ZMIZ1: variants seen among roughly 807,000 people sequenced by gnomAD.
The protein encoded by ZMIZ1 is zinc finger MIZ domain-containing protein 1.
A neutral mutation model predicts 113.9 loss-of-function variants in ZMIZ1; 17 were observed. That is an observed-to-expected ratio of 0.15 (90% CI 0.10 to 0.22). The LOEUF (loss-of-function observed/expected upper bound fraction) is 0.22, where lower values mean the gene tolerates loss of function less well. Among genes scored for constraint, ZMIZ1 ranks in the 10% least tolerant of loss-of-function variants. The pLI, the probability that ZMIZ1 is intolerant of heterozygous loss-of-function variation, is 1.00. For missense variants in ZMIZ1, 1,059 were observed against 1,477.8 expected (o/e 0.72, Z 4.65); for synonymous variants, 607 against 603.1 (o/e 1.01, Z -0.09).
At chr10:79,170,598 C>G (rs1416566819) in intron 4 of ZMIZ1, among the ~76,000 whole-genome samples, 1 of 152,214 alleles carries the variant, frequency 6.6e-6, no homozygotes, top group Non-Finnish European at 1.5e-5. Context: ...CTAACTGGTA[C>G]CTACTGGGAG....
intron 5 of ZMIZ1, among the ~76,000 whole-genome samples, chr10:79,205,281 G>A (rs1015537692): frequency 6.6e-6 from 1 of 152,192 alleles, no homozygotes; most frequent in African/African-American, 2.4e-5. Flanking sequence ...ATCAACGGCT[G>A]GCCAAGCTCA....
intron 3 of ZMIZ1, among the ~76,000 whole-genome samples, chr10:79,159,686 A>G (rs952005461): frequency 2.0e-5 from 3 of 152,148 alleles, no homozygotes; most frequent in African/African-American, 7.2e-5. Flanking sequence ...CACAATATGG[A>G]CTCAATACAG....
At chr10:79,108,862 G>T (rs1314767328) in intron 1 of ZMIZ1, among the ~76,000 whole-genome samples, 3 of 151,898 alleles carry the variant, frequency 2.0e-5, no homozygotes, top group Non-Finnish European at 2.9e-5. Context: ...CCCCTGCCTG[G>T]CTCCTGGGGC....
intron 1 of ZMIZ1, among the ~76,000 whole-genome samples, chr10:79,084,712 C>T (rs1485253840): frequency 6.6e-6 from 1 of 152,204 alleles, no homozygotes; most frequent in Non-Finnish European, 1.5e-5. Flanking sequence ...GCCTCAGTTT[C>T]CCTATTTTGT....
chr10:79,089,004 C>G (rs1564643344), intron 1 of ZMIZ1, among the ~76,000 whole-genome samples: 1 of 152,226 alleles, frequency 6.6e-6, no homozygotes, highest in Non-Finnish European at 1.5e-5. Flanking sequence ...ATCAGGTCTT[C>G]TACTCCCTAC....
chr10:79,309,445 G>A (rs575493015), intron 23 of ZMIZ1, among the ~76,000 whole-genome samples: 1 of 152,326 alleles, frequency 6.6e-6, no homozygotes, highest in East Asian at 1.9e-4. Flanking sequence ...ACTGACCATG[G>A]GTGGTGGCCC....
intron 4 of ZMIZ1, among the ~76,000 whole-genome samples, chr10:79,166,112 C>T (rs1846338111): frequency 1.3e-5 from 2 of 152,182 alleles, no homozygotes; most frequent in East Asian, 3.9e-4. Flanking sequence ...GCCCAGTTTT[C>T]CTGTCTTCTT....
At chr10:79,181,030 C>T (rs751547385) in intron 4 of ZMIZ1, among the ~76,000 whole-genome samples, 4 of 152,202 alleles carry the variant, frequency 2.6e-5, no homozygotes, top group African/African-American at 4.8e-5. Flanking sequence ...TCCAAGGCCA[C>T]GAGGGAGTCA....
intron 4 of ZMIZ1, among the ~76,000 whole-genome samples, chr10:79,194,354 G>A (rs1233989243): frequency 1.3e-5 from 2 of 152,264 alleles, no homozygotes; most frequent in Admixed American, 1.3e-4. Context: ...CTCTCTCTGG[G>A]TGCGTGTGCA....
chr10:79,239,370 A>G (rs1849718022), intron 7 of ZMIZ1, among the ~76,000 whole-genome samples: 1 of 152,200 alleles, frequency 6.6e-6, no homozygotes, highest in African/African-American at 2.4e-5. Context: ...AGGGATGTGA[A>G]GGTGGATGGC....
rs1460750897 is a variant in ZMIZ1 at position 79,188,560 on chromosome 10, G to A, written c.-49-13024G>A. ...GGCTTCTCTTCGCACAGACGTCTTTGTTTCTGGTCACGCCTTTGTGGCCAG... is the reference window on the plus strand; with the variant it reads ...GGCTTCTCTTCGCACAGACGTCTTTATTTCTGGTCACGCCTTTGTGGCCAG... On this transcript the variant is annotated intron_variant, in intron 4 of 24. Transcript: ENST00000334512. 2.0e-5 allele frequency among the ~76,000 whole-genome samples: 3 copies of A among 152,162 alleles called. No homozygotes were observed. The East Asian group carries it at 5.8e-4, about 29-fold the overall frequency.
chr10:79,290,175 CAGG>C (rs1179158899), intron 9 of ZMIZ1, among the ~76,000 whole-genome samples: 1 of 152,222 alleles, frequency 6.6e-6, no homozygotes, highest in Admixed American at 6.5e-5. Flanking sequence ...CTCTGGTAAA[CAGG>C]AGAACTTCCT....
chr10:79,207,478 G>A (rs942205929), intron 5 of ZMIZ1, among the ~76,000 whole-genome samples: 1 of 152,206 alleles, frequency 6.6e-6, no homozygotes, highest in Non-Finnish European at 1.5e-5. Flanking sequence ...AAGAGTGAAG[G>A]GGGGCATGGG....
rs568914695 is a variant in ZMIZ1, at chr10:79,300,478, G to A, written c.1809-254G>A. Among the ~76,000 whole-genome samples the A allele has an allele frequency of 7.2e-5, 11 of 152,322 alleles. No individual in the cohort carries two copies. The South Asian group carries it at 2.3e-3, about 32-fold the overall frequency. ...CCCTACAGGGAGGACATTCCAGGGA[G>A]ATGGGAGCTAGAGCTGTGGGGTGTG... On this transcript the variant is annotated intron_variant, in intron 16 of 24. Transcript: ENST00000334512.
intron 7 of ZMIZ1, among the ~76,000 whole-genome samples, chr10:79,258,424 T>C (rs894151438): frequency 2.0e-5 from 3 of 152,170 alleles, no homozygotes; most frequent in Non-Finnish European, 4.4e-5. Flanking sequence ...AAGAAAATAG[T>C]TAAATGGAAT....
At chr10:79,154,786 C>T (rs150305355) in intron 3 of ZMIZ1, among the ~76,000 whole-genome samples, 2 of 152,310 alleles carry the variant, frequency 1.3e-5, no homozygotes, top group Non-Finnish European at 2.9e-5. Context: ...TGAAGCCTCT[C>T]CTGAGTTGGT....
intron 7 of ZMIZ1, among the ~76,000 whole-genome samples, chr10:79,269,715 C>G (rs1354576886): frequency 6.6e-6 from 1 of 152,158 alleles, no homozygotes; most frequent in Non-Finnish European, 1.5e-5. Flanking sequence ...CCAGATCTTA[C>G]CAGGAGCAAG....
At chr10:79,196,158 A>T (rs1322367760) in intron 4 of ZMIZ1, among the ~76,000 whole-genome samples, 1 of 152,122 alleles carries the variant, frequency 6.6e-6, no homozygotes, top group Non-Finnish European at 1.5e-5. Context: ...TGACCTCAAC[A>T]GTTTAAAAAT....
rs1163032806 is a variant in ZMIZ1, at chr10:79,201,579, C to T, written c.-49-5C>T. 19 of 1,601,926 alleles carry T rather than the reference C, an allele frequency of 1.2e-5. No individual in the cohort carries two copies. The highest frequency in any genetic ancestry group is 1.1e-4 in the South Asian group (10 of 90,298). The stretch of plus-strand genomic sequence containing the variant: ...CCAGTGACAACCTCTCCTTTCTCTT[C>T]GCAGGCTGGACAACGTTCATGGCTC... On this transcript the variant is annotated splice_polypyrimidine_tract_variant and splice_region_variant and intron_variant, in intron 4 of 24. Coordinates refer to ENST00000334512, the MANE Select transcript of ZMIZ1 (RefSeq NM_020338.4).
Sources: allele counts gnomAD v4.1 joint callset (sites outside exome capture counted in the v4.1 genomes callset), GRCh38; gene constraint gnomAD v4.1.1; transcripts MANE v1.5; gene names NCBI Gene and HGNC (gene_info 2026-07-23, HGNC 2026-07-21).